RGS7: variants seen among roughly 807,000 people sequenced by gnomAD.
The protein encoded by RGS7 is regulator of G protein signaling 7, also known as regulator of G-protein signaling 7.
Under a neutral mutation model 81.1 loss-of-function variants are expected in RGS7, and 27 were observed. That is an observed-to-expected ratio of 0.33 (90% CI 0.25 to 0.46). RGS7 has a LOEUF of 0.46. Ranked by LOEUF, RGS7 falls within the 20% of genes least tolerant of loss-of-function variation. The probability of loss-of-function intolerance (pLI) is 1.00; values close to 1 mark genes in which losing one functional copy is unlikely to be tolerated. For missense variants in RGS7, 396 were observed against 607.4 expected (o/e 0.65, Z 3.66); for synonymous variants, 208 against 207.7 (o/e 1.00, Z -0.01).
intron 2 of RGS7, among the ~76,000 whole-genome samples, chr1:241,327,142 G>GA (rs563253403): frequency 0.027 from 2,338 of 85,274 alleles, 171 homozygotes; most frequent in Non-Finnish European, 0.038. Context: ...AAGAAAGAAA[G>GA]AAAGGAAAGA....
chr1:241,247,434 T>C (rs1370255571), intron 2 of RGS7, among the ~76,000 whole-genome samples: 1 of 152,174 alleles, frequency 6.6e-6, no homozygotes, highest in African/African-American at 2.4e-5. Flanking sequence ...TCCACACCTG[T>C]GGGTATTTCT....
chr1:241,134,042 C>T (rs556877985), intron 2 of RGS7, among the ~76,000 whole-genome samples: 196 of 152,310 alleles, frequency 1.3e-3, no homozygotes, highest in Non-Finnish European at 2.3e-3. Flanking sequence ...AAATGTCTAT[C>T]CTGGATCTAA....
At chr1:241,355,857 T>C (rs534962958) in intron 1 of RGS7, 31 bp from the exon 2 acceptor site, 2 of 1,154,344 alleles carry the variant, frequency 1.7e-6, no homozygotes, top group Admixed American at 3.4e-5. Flanking sequence ...TTCAGTGAGA[T>C]CCCAGTGGGA....
chr1:241,288,785 A>G (rs1329534228), intron 2 of RGS7, among the ~76,000 whole-genome samples: 1 of 152,194 alleles, frequency 6.6e-6, no homozygotes, highest in Non-Finnish European at 1.5e-5. Flanking sequence ...CTGGTCAAGA[A>G]ATTGAGGACT....
chr1:241,131,903 C>A (rs1251214756), intron 2 of RGS7, among the ~76,000 whole-genome samples: 1 of 152,188 alleles, frequency 6.6e-6, no homozygotes, highest in Non-Finnish European at 1.5e-5. Context: ...TCTGCCTCAT[C>A]ACATCAGTTT....
chr1:241,132,277 T>C (rs1464278519), intron 2 of RGS7: 1 of 154,814 alleles, frequency 6.5e-6, no homozygotes, highest in African/African-American at 2.4e-5. Context: ...GTAACATGGA[T>C]TTGATTGAAT....
chr1:240,876,882 A>T (rs1202557101), intron 6 of RGS7, among the ~76,000 whole-genome samples: 1 of 152,006 alleles, frequency 6.6e-6, no homozygotes, highest in African/African-American at 2.4e-5. Context: ...AATTGCTTAA[A>T]CCCAGGAGGC....
At chr1:241,287,092 T>C (rs568565306) in intron 2 of RGS7, among the ~76,000 whole-genome samples, 11 of 152,188 alleles carry the variant, frequency 7.2e-5, no homozygotes, top group African/African-American at 1.7e-4. Flanking sequence ...CTGAGAAAAG[T>C]CATGATGTGT....
At chr1:240,852,273 A>G (rs1044110879) in intron 9 of RGS7, among the ~76,000 whole-genome samples, 1 of 152,248 alleles carries the variant, frequency 6.6e-6, no homozygotes, top group African/African-American at 2.4e-5. Flanking sequence ...ACTTTTGCTA[A>G]AGGCTCAGAT....
At chr1:240,794,215 T>C (rs1686607292) in intron 18 of RGS7, among the ~76,000 whole-genome samples, 1 of 152,046 alleles carries the variant, frequency 6.6e-6, no homozygotes, top group Non-Finnish European at 1.5e-5. Flanking sequence ...ATATATATAA[T>C]CTAGAAAAAG....
intron 6 of RGS7, among the ~76,000 whole-genome samples, chr1:240,888,661 T>C (rs1029900628): frequency 6.6e-6 from 1 of 152,208 alleles, no homozygotes; most frequent in Non-Finnish European, 1.5e-5. Context: ...ACATACATTA[T>C]CTTGTTTAAA....
rs71648642 is a variant in RGS7, at chr1:241,077,768, C to T, written c.175+20898G>A. ...TGTTCACTGGGTAAAGTGAAAAAGA[C>T]GTTGCTTGTAAAATAATTGAGTCTC... is the stretch of plus-strand genomic sequence containing the variant. On this transcript the variant is annotated intron_variant, in intron 3 of 18. Coordinates refer to ENST00000440928, the MANE Select transcript of RGS7 (RefSeq NM_001364886.1). 2.9e-3 allele frequency among the ~76,000 whole-genome samples: 440 copies of T among 152,246 alleles called. 2 individuals are homozygous for T. Among genetic ancestry groups the T allele is most frequent in the Middle Eastern group, 6.8e-3 (2 of 294 alleles).
intron 2 of RGS7, among the ~76,000 whole-genome samples, chr1:241,306,525 C>G (rs987392413): frequency 1.3e-5 from 2 of 151,756 alleles, no homozygotes; most frequent in African/African-American, 4.8e-5. Flanking sequence ...GCCATGTACA[C>G]ACGTCCACAC....
At chr1:241,213,048 G>A (rs1441614172) in intron 2 of RGS7, among the ~76,000 whole-genome samples, 1 of 152,154 alleles carries the variant, frequency 6.6e-6, no homozygotes, top group African/African-American at 2.4e-5. Context: ...AGATGTACCT[G>A]AGAATAACCT....
At chr1:241,181,612 A>G (rs1166959289) in intron 2 of RGS7, among the ~76,000 whole-genome samples, 1 of 152,210 alleles carries the variant, frequency 6.6e-6, no homozygotes, top group East Asian at 1.9e-4. Context: ...ATGTTACAGG[A>G]GGATACAGAA....
chr1:241,091,383 T>C lies in RGS7; in HGVS notation c.175+7283A>G, dbSNP rs141707935. Among the ~76,000 whole-genome samples the C allele has an allele frequency of 6.4e-3, 973 of 151,444 alleles. 15 individuals are homozygous for C. Among genetic ancestry groups the C allele is most frequent in the African/African-American group, 0.022 (890 of 41,284 alleles). On this transcript the variant is annotated intron_variant, in intron 3 of 18. Transcript: ENST00000440928. ...CTAACACGGTGAAACCCCGTCTCTA[T>C]TAAAAATACAAAAAATTAGCCAAAT...
At chr1:241,249,068 T>G (rs937990133) in intron 2 of RGS7, among the ~76,000 whole-genome samples, 3 of 152,242 alleles carry the variant, frequency 2.0e-5, no homozygotes, top group Admixed American at 6.5e-5. Context: ...CTATATCTTG[T>G]CTTTTCATCC....
intron 3 of RGS7, among the ~76,000 whole-genome samples, chr1:241,007,891 A>C (rs922043911): frequency 7.9e-5 from 12 of 152,330 alleles, no homozygotes; most frequent in African/African-American, 2.9e-4. Context: ...CTGTGCGGGC[A>C]CATGCGCACA....
intron 4 of RGS7, among the ~76,000 whole-genome samples, chr1:240,939,620 A>G (rs1677220763): frequency 6.6e-6 from 1 of 152,202 alleles, no homozygotes; most frequent in Non-Finnish European, 1.5e-5. Flanking sequence ...TCAAGTTGAA[A>G]ACACTGGATG....
Sources: gnomAD v4.1 joint callset for allele counts (sites outside exome capture counted in the v4.1 genomes callset) on GRCh38, gnomAD v4.1.1 for gene constraint, MANE v1.5 for transcripts, NCBI Gene and HGNC (gene_info 2026-07-23, HGNC 2026-07-21) for gene names.